The following MYO7A variants were observed in gnomAD, a reference collection of about 807,000 sequenced individuals.
MYO7A encodes the protein myosin VIIA.
In MYO7A, 210 loss-of-function variants were observed where a neutral mutation model predicts 263.8. The observed-to-expected ratio is 0.80, with a 90% CI of 0.71 to 0.89. The LOEUF (loss-of-function observed/expected upper bound fraction) is 0.89, where lower values mean the gene tolerates loss of function less well. Ranked by LOEUF, MYO7A falls within the 40% of genes least tolerant of loss-of-function variation. MYO7A has a pLI of 0.00. For synonymous variants in MYO7A, 1,239 were observed against 1,197.3 expected (o/e 1.03, Z -0.72); for missense variants, 2,820 against 2,968.3 (o/e 0.95, Z 1.16).
chr11:77,165,595 T>C (rs1478528271), intron 14 of MYO7A, among the ~76,000 whole-genome samples: 5 of 152,238 alleles, frequency 3.3e-5, no homozygotes, highest in African/African-American at 1.2e-4. Context: ...CTGTCCCACA[T>C]AGAAGGAGCT....
In MYO7A at chr11:77,158,436, G is replaced by T; in HGVS notation, c.1003+6G>T. On this transcript the variant is annotated splice_donor_region_variant and intron_variant, in intron 9 of 48. Transcript: ENST00000409709. ...GGGCAACCTGCAGTATGAGGGTGAG[G>T]CTGCGCCACACTCGCCCTGCCCCAC... 1 of 1,610,184 alleles carries T rather than the reference G, an allele frequency of 6.2e-7. No individual in the cohort carries two copies.
At chr11:77,150,546 C>G (rs1363488289) in intron 4 of MYO7A, among the ~76,000 whole-genome samples, 1 of 152,140 alleles carries the variant, frequency 6.6e-6, no homozygotes, top group Non-Finnish European at 1.5e-5. Flanking sequence ...CAAATCTGAA[C>G]CATTTGCCTC....
rs7927472 is a variant in MYO7A at position 77,199,721 on chromosome 11, C to T, written c.4755C>T (p.Ser1585=). ...IKGDEYTFTS[S]NAEDIRDLVV... ...GGGACGAATACACCTTCACCTCCAG[C>T]AATGCTGAGGACATTCGTGACCTGG... is the stretch of plus-strand genomic sequence containing the variant. The change falls in exon 35 of 49, where the codon AGC becomes AGT. Residue 1585 remains serine (S), a synonymous_variant. Transcript: ENST00000409709. The T allele has an allele frequency of 0.52, 837,808 of 1,612,982 alleles. 222,158 individuals are homozygous for T. The highest frequency in any genetic ancestry group is 0.62 in the Admixed American group (37,039 of 59,912).
At chr11:77,197,381 A>G in intron 32 of MYO7A, 100 bp from the exon 33 acceptor site, 1 of 848,596 alleles carries the variant, frequency 1.2e-6, no homozygotes, top group South Asian at 1.7e-5. Context: ...GAGGTGCAGG[A>G]GCCCCAGGCT....
In MYO7A at chr11:77,196,837, A is replaced by G. The variant is rs557113259; in HGVS notation, c.4324-644A>G. ...ACCAGGATTTCACTCTGACCCCTCCAATGCTACCCCAGAACCCCAGAGTTC... is the reference window on the plus strand; with the variant it reads ...ACCAGGATTTCACTCTGACCCCTCCGATGCTACCCCAGAACCCCAGAGTTC... On this transcript the variant is annotated intron_variant, in intron 32 of 48. Coordinates refer to ENST00000409709, the MANE Select transcript of MYO7A (RefSeq NM_000260.4). Among the ~76,000 whole-genome samples, 23 of 152,204 alleles carry G rather than the reference A, an allele frequency of 1.5e-4. No individual in the cohort carries two copies. In the South Asian group the frequency reaches 4.6e-3, roughly 30 times the overall value.
In MYO7A at chr11:77,156,903, C is replaced by T. The variant is rs121965080; in HGVS notation, c.634C>T (p.Arg212Cys). Residue 212 changes from arginine (R) to cysteine (C), a missense_variant, in exon 7 of 49, where the codon CGT (arginine) becomes TGT (cysteine). Coordinates refer to ENST00000409709, the MANE Select transcript of MYO7A (RefSeq NM_000260.4). ...GACCATCCGCAATGACAACTCAAGC[C>T]GTTTCGGAAAGTACATCGACATCCA... ...AKTIRNDNSSRFGKYIDIHFN... is the reference protein window; with the variant it reads ...AKTIRNDNSSCFGKYIDIHFN... The T allele has an allele frequency of 8.7e-6, 14 of 1,613,912 alleles. No individual in the cohort carries two copies. The highest frequency in any genetic ancestry group is 1.3e-5 in the African/African-American group (1 of 74,944).
chr11:77,194,345 C>T lies in MYO7A; in HGVS notation c.4153-9C>T, dbSNP rs771172777. 3 of 1,609,380 alleles carry T rather than the reference C, an allele frequency of 1.9e-6. No homozygotes were observed. The highest frequency in any genetic ancestry group is 1.7e-5 in the Admixed American group (1 of 59,524). ...GGCCAATGCATGACCGAGGCCTCCC[C>T]CCACCTAGGAGGACGACCTGGCTGA... On this transcript the variant is annotated splice_polypyrimidine_tract_variant and intron_variant, in intron 31 of 48. Coordinates refer to ENST00000409709, the MANE Select transcript of MYO7A (RefSeq NM_000260.4).
chr11:77,212,932 C>T lies in MYO7A; in HGVS notation c.6355-20C>T, dbSNP rs1276522155. The T allele has an allele frequency of 1.3e-6, 2 of 1,566,636 alleles. No homozygotes were observed. The highest frequency in any genetic ancestry group is 8.7e-7 in the Non-Finnish European group (1 of 1,151,426). On this transcript the variant is annotated intron_variant, in intron 46 of 48. Transcript: ENST00000409709. ...CTTGCTCTGGGCCCCCATCTGATGCCTTCTCATCTTTTTTTCTAGCAAACT... is the reference window on the plus strand; with the variant it reads ...CTTGCTCTGGGCCCCCATCTGATGCTTTCTCATCTTTTTTTCTAGCAAACT...
At chr11:77,182,696 C>A in intron 25 of MYO7A, 96 bp downstream of exon 25, 2 of 1,336,538 alleles carry the variant, frequency 1.5e-6, no homozygotes, top group Non-Finnish European at 1.0e-6. Flanking sequence ...GAAAAAGGAT[C>A]CTATAATTCA....
rs750926300 is a variant in MYO7A, at chr11:77,201,606, C to A, written c.5011C>A (p.Pro1671Thr). 42 of 1,613,630 alleles carry A rather than the reference C, an allele frequency of 2.6e-5. No homozygotes were observed. Among genetic ancestry groups the A allele is most frequent in the Non-Finnish European group, 3.5e-5 (41 of 1,179,782 alleles). The change falls in exon 36 of 49, where the codon CCC becomes ACC. Residue 1671 changes from proline to threonine, a missense_variant. Coordinates refer to ENST00000409709, the MANE Select transcript of MYO7A (RefSeq NM_000260.4). ...DFPTDSVYVM[P>T]TVTMPPREIV... ...CCCCACCGACAGTGTGTACGTCATG[C>A]CCACTGTCACCATGCCACCGCGGGA...
intron 22 of MYO7A, 68 bp downstream of exon 22, chr11:77,180,549 T>G (rs570820216): frequency 1.0e-5 from 14 of 1,351,994 alleles, no homozygotes; most frequent in African/African-American, 1.4e-5. Context: ...GAGGCTGGCT[T>G]CTCATCTGTC....
chr11:77,208,639 G>C, intron 43 of MYO7A, 58 bp from the exon 44 acceptor site: 2 of 1,507,160 alleles, frequency 1.3e-6, no homozygotes, highest in Non-Finnish European at 1.8e-6. Flanking sequence ...CTGGGCTCGG[G>C]ACGTGAGCAC....
At chr11:77,189,661 C>T (rs932983605) in intron 28 of MYO7A, among the ~76,000 whole-genome samples, 191 bp downstream of exon 28, 1 of 152,228 alleles carries the variant, frequency 6.6e-6, no homozygotes, top group Non-Finnish European at 1.5e-5. Context: ...CTCCCCTCAG[C>T]CCCATTCTAC....
chr11:77,209,578 C>CAG (rs999451746), intron 44 of MYO7A, among the ~76,000 whole-genome samples: 5 of 151,088 alleles, frequency 3.3e-5, no homozygotes, highest in Non-Finnish European at 7.4e-5. Context: ...CCTGGACTAC[C>CAG]AGTTCCCCCA....
At chr11:77,177,774 A>G in intron 19 of MYO7A, 131 bp downstream of exon 19, 4 of 670,986 alleles carry the variant, frequency 6.0e-6, no homozygotes, top group East Asian at 2.8e-5. Context: ...AAGTGCACAC[A>G]TGCATGGCAT....
intron 4 of MYO7A, among the ~76,000 whole-genome samples, chr11:77,150,280 G>A (rs529340760): frequency 2.6e-5 from 4 of 152,348 alleles, no homozygotes; most frequent in Admixed American, 2.6e-4. Context: ...GTCAGCCACA[G>A]TGCAGGCAAG....
At position 77,205,501 on chromosome 11, in the gene MYO7A, C is replaced by T; in HGVS notation, c.5520C>T (p.Cys1840=). The part of the protein sequence containing the change: ...EERGWELLWL[C]TGLFPPSNIL... ...GGGGTTGGGAGCTGCTCTGGCTGTG[C>T]ACGGGCCTTTTCCCACCCAGCAACA... Residue 1840 remains cysteine (C), a synonymous_variant, in exon 40 of 49, where the codon TGC becomes TGT. Coordinates refer to ENST00000409709, the MANE Select transcript of MYO7A (RefSeq NM_000260.4). 6.3e-7 allele frequency: 1 copy of T among 1,595,442 alleles called. No individual in the cohort carries two copies.
In MYO7A at chr11:77,205,595, C is replaced by A; in HGVS notation, c.5614C>A (p.Gln1872Lys). 6.2e-7 allele frequency: 1 copy of A among 1,613,542 alleles called. No individual in the cohort carries two copies. Residue 1872 changes from glutamine to lysine, a missense_variant, in exon 40 of 49, where the codon CAA becomes AAA. Coordinates refer to ENST00000409709, the MANE Select transcript of MYO7A (RefSeq NM_000260.4). ...KHCPLAIDCL[Q>K]RLQKALRNGS... is the part of the protein sequence containing the mutation. ...CTGCCCACTCGCCATCGACTGCCTG[C>A]AACGGCTCCAGAAAGCCCTGAGGTA...
intron 2 of MYO7A, among the ~76,000 whole-genome samples, chr11:77,135,798 C>A (rs1261735026): frequency 1.3e-5 from 2 of 152,090 alleles, no homozygotes; most frequent in African/African-American, 4.8e-5. Context: ...GCAGTGGTAT[C>A]TCATTGTGGT....
Sources: allele counts gnomAD v4.1 joint callset (sites outside exome capture counted in the v4.1 genomes callset), GRCh38; gene constraint gnomAD v4.1.1; transcripts MANE v1.5; gene names NCBI Gene and HGNC (gene_info 2026-07-23, HGNC 2026-07-21).